Variants in POU5F1 observed in about 807,000 individuals in gnomAD.
The protein encoded by POU5F1 is POU class 5 homeobox 1, also known as POU domain, class 5, transcription factor 1.
In POU5F1, 6 loss-of-function variants were observed where a neutral mutation model predicts 38.3. The ratio of observed to expected loss-of-function variants is 0.16; its 90% confidence interval spans 0.09 to 0.31. POU5F1 has a LOEUF of 0.31. Ranked by LOEUF, POU5F1 falls within the 10% of genes least tolerant of loss-of-function variation. POU5F1 has a pLI of 1.00. For missense variants in POU5F1, 286 were observed against 462.6 expected (o/e 0.62, Z 3.50); for synonymous variants, 147 against 194.9 (o/e 0.75, Z 2.05).
At chr6:31,170,055 CTG>C (rs1777547280) in intron 1 of POU5F1, 159 bp downstream of exon 1, 3 of 1,154,642 alleles carry the variant, frequency 2.6e-6, no homozygotes, top group Non-Finnish European at 3.7e-6. Flanking sequence ...CCTGCCAGGG[CTG>C]CCAGCAGTTG....
In POU5F1 at chr6:31,170,304, T is replaced by C. The variant is rs767038169; in HGVS notation, c.317A>G (p.Asn106Ser). 24 of 1,612,568 alleles carry C rather than the reference T, an allele frequency of 1.5e-5. No individual in the cohort carries two copies. The highest frequency in any genetic ancestry group is 1.9e-5 in the Non-Finnish European group (23 of 1,179,774). ...GGGCTCCGGGGAGGCCCCATCGGAG[T>C]TGCTCTCCACCCCGACTCCTGCTTC... is the stretch of plus-strand genomic sequence containing the variant. ...EGEAGVGVES[N>S]SDGASPEPCT... Residue 106 changes from asparagine to serine, a missense_variant, in exon 1 of 5, where the codon AAC becomes AGC. By Grantham distance (46) the Asn-to-Ser change is conservative. Transcript: ENST00000259915.
chr6:31,166,205 C>G, intron 1 of POU5F1, 158 bp from the exon 2 acceptor site: 2 of 1,564,904 alleles, frequency 1.3e-6, no homozygotes, highest in Non-Finnish European at 1.7e-6. Context: ...CTAGAAATAA[C>G]CTACCCACAA....
In POU5F1 at chr6:31,164,575, C is replaced by G. The variant is rs1457938687; in HGVS notation, c.*26G>C. 1.3e-6 allele frequency: 2 copies of G among 1,585,560 alleles called. No individual in the cohort carries two copies. Among genetic ancestry groups the G allele is most frequent in the Admixed American group, 3.6e-5 (2 of 55,670 alleles). On this transcript the variant is annotated 3_prime_UTR_variant, in exon 5 of 5. Coordinates refer to ENST00000259915, the MANE Select transcript of POU5F1 (RefSeq NM_002701.6). ...TCCCTAGCTCCTCCCCTCCCCCTGT[C>G]CCCCATTCCTAGAAGGGCAGGCACC...
At position 31,165,110 on chromosome 6, in the gene POU5F1, G is replaced by A. The variant is rs1410408075; in HGVS notation, c.816+18C>T. 3 of 1,604,336 alleles carry A rather than the reference G, an allele frequency of 1.9e-6. No homozygotes were observed. In the South Asian group the frequency reaches 3.3e-5, roughly 18 times the overall value. On this transcript the variant is annotated intron_variant, in intron 4 of 4. Coordinates refer to ENST00000259915, the MANE Select transcript of POU5F1 (RefSeq NM_002701.6). This position sits in a 1 kb window ranked among gnomAD's most constrained non-coding sequence, Gnocchi z 6.5. Reference sequence around the variant, plus strand: ...ACAGGGGAAAGAGATGGAGCCCGCAGAGAGACATGGCACTCACATCCTTCT... The same window carrying A: ...ACAGGGGAAAGAGATGGAGCCCGCAAAGAGACATGGCACTCACATCCTTCT...
Position 31,165,704 on chromosome 6 carries a change from G to A in POU5F1, c.527-3C>T, listed in dbSNP as rs1284497097. 1.9e-6 allele frequency: 3 copies of A among 1,609,360 alleles called. No homozygotes were observed. Among genetic ancestry groups the A allele is most frequent in the Non-Finnish European group, 2.5e-6 (3 of 1,177,708 alleles). On this transcript the variant is annotated splice_polypyrimidine_tract_variant and splice_region_variant and intron_variant, in intron 2 of 4. Coordinates refer to ENST00000259915, the MANE Select transcript of POU5F1 (RefSeq NM_002701.6). The surrounding 1 kb of genome is among the most constrained non-coding windows in gnomAD (Gnocchi z 6.5). ...GGTCGTTTGGCTGAATACCTTCCCTGGGGGAGGCCAGTCAAAAGAGAAGCA... is the reference window on the plus strand; with the variant it reads ...GGTCGTTTGGCTGAATACCTTCCCTAGGGGAGGCCAGTCAAAAGAGAAGCA...
chr6:31,166,130 C>T (rs1320046736), intron 1 of POU5F1, 83 bp from the exon 2 acceptor site: 2 of 1,613,886 alleles, frequency 1.2e-6, no homozygotes. Context: ...ATTCAAGAAC[C>T]TACGTGTGGC....
chr6:31,167,087 A>C, intron 1 of POU5F1: 1 of 513,470 alleles, frequency 1.9e-6, no homozygotes, highest in Non-Finnish European at 3.7e-6. Context: ...GAGCCCTGAC[A>C]TCCAGCATGA....
Position 31,165,460 on chromosome 6 carries a change from T to G in POU5F1, c.657+111A>C. On this transcript the variant is annotated intron_variant, in intron 3 of 4. Coordinates refer to ENST00000259915, the MANE Select transcript of POU5F1 (RefSeq NM_002701.6). This position sits in a 1 kb window ranked among gnomAD's most constrained non-coding sequence, Gnocchi z 6.5. ...AGCAGAACTGAGGAATTTCACTCCA[T>G]CCCACTGAGAACCACTGCACCAAAG... The G allele has an allele frequency of 6.3e-7, 1 of 1,588,252 alleles. No individual in the cohort carries two copies. Among genetic ancestry groups the G allele is most frequent in the Non-Finnish European group, 8.6e-7 (1 of 1,166,674 alleles).
chr6:31,170,255 C>T lies in POU5F1; in HGVS notation c.366G>A (p.Val122=), dbSNP rs1777560216. ...PEPCTVTPGA[V]KLEKEKLEQN... ...GCTCCAGCTTCTCCTTCTCCAGCTT[C>T]ACGGCACCAGGGGTGACGGTGCAGG... The change falls in exon 1 of 5, where the codon GTG becomes GTA. Residue 122 remains valine, a synonymous_variant. Transcript: ENST00000259915. The T allele has an allele frequency of 6.2e-7, 1 of 1,612,944 alleles. No homozygotes were observed. The highest frequency in any genetic ancestry group is 8.5e-7 in the Non-Finnish European group (1 of 1,179,846).
intron 1 of POU5F1, chr6:31,166,476 T>G (rs1192583085): frequency 8.0e-7 from 1 of 1,245,012 alleles, no homozygotes; most frequent in East Asian, 3.5e-5. Flanking sequence ...ATGGCCAACA[T>G]GGTGAAACCC....
At chr6:31,166,581 C>T in intron 1 of POU5F1, 2 of 1,001,240 alleles carry the variant, frequency 2.0e-6, no homozygotes, top group Non-Finnish European at 2.7e-6. Flanking sequence ...ATCACTTGAA[C>T]CCGGGAGGCG....
Position 31,165,892 on chromosome 6 carries a change from G to A in POU5F1, c.526+35C>T, listed in dbSNP as rs771496772. On this transcript the variant is annotated intron_variant, in intron 2 of 4. Transcript: ENST00000259915. The surrounding 1 kb of genome is among the most constrained non-coding windows in gnomAD (Gnocchi z 6.5). ...TAGGTTCAGGGATACTCCTTAGAGGGGAGATGCGGTCAGAATCTGCAGAGG... is the reference window on the plus strand; with the variant it reads ...TAGGTTCAGGGATACTCCTTAGAGGAGAGATGCGGTCAGAATCTGCAGAGG... The A allele has an allele frequency of 3.7e-6, 6 of 1,613,280 alleles. No homozygotes were observed. The highest frequency in any genetic ancestry group is 3.3e-5 in the South Asian group (3 of 91,006).
chr6:31,165,407 TG>T lies in POU5F1; in HGVS notation c.658-122del, dbSNP rs1450098918. Reference sequence around the variant, plus strand: ...GTGGTGGTGTGAAAAGGCAGGATCCTGGAAGGGTTGGCTCTGGACCTTATCC... The same window carrying T: ...GTGGTGGTGTGAAAAGGCAGGATCCTGAAGGGTTGGCTCTGGACCTTATCC... On this transcript the variant is annotated intron_variant, in intron 3 of 4. Transcript: ENST00000259915. This position sits in a 1 kb window ranked among gnomAD's most constrained non-coding sequence, Gnocchi z 6.5. 1 of 1,559,944 alleles carries T rather than the reference TG, an allele frequency of 6.4e-7. No homozygotes were observed. Among genetic ancestry groups the T allele is most frequent in the East Asian group, 2.3e-5 (1 of 42,870 alleles).
rs2151101491 is a variant in POU5F1, at chr6:31,164,932, T to G, written c.817-65A>C. 16 of 1,574,026 alleles carry G rather than the reference T, an allele frequency of 1.0e-5. No individual in the cohort carries two copies. The South Asian group carries it at 1.5e-4, about 15-fold the overall frequency. ...TGAGCTGAGACGGGCCTGACTCTGCTTGGACATTCTATCCAAAGCCAACAG... is the reference window on the plus strand; with the variant it reads ...TGAGCTGAGACGGGCCTGACTCTGCGTGGACATTCTATCCAAAGCCAACAG... On this transcript the variant is annotated intron_variant, in intron 4 of 4. Coordinates refer to ENST00000259915, the MANE Select transcript of POU5F1 (RefSeq NM_002701.6).
At position 31,164,761 on chromosome 6, in the gene POU5F1, C is replaced by T. The variant is rs1030266660; in HGVS notation, c.923G>A (p.Gly308Glu). The change falls in exon 5 of 5, where the codon GGA (glycine) becomes GAA (glutamate). Residue 308 changes from glycine to glutamate, a missense_variant. Physicochemically the swap from Gly to Glu is moderately conservative, Grantham distance 98 (BLOSUM62 -2). Around this residue, in one of 2 missense-constraint regions of POU5F1, gnomAD observed 110 missense variants for 277.8 expected, o/e 0.40. Coordinates refer to ENST00000259915, the MANE Select transcript of POU5F1 (RefSeq NM_002701.6). Reference protein sequence around the residue: ...FEAAGSPFSGGPVSFPLAPGP... With the variant: ...FEAAGSPFSGEPVSFPLAPGP... ...TGGGGCCAGAGGAAAGGACACTGGT[C>T]CCCCTGAGAAAGGAGACCCAGCAGC... is the stretch of plus-strand genomic sequence containing the variant. The T allele has an allele frequency of 1.2e-6, 2 of 1,610,446 alleles. No individual in the cohort carries two copies. Among genetic ancestry groups the T allele is most frequent in the Admixed American group, 1.7e-5 (1 of 59,384 alleles).
Position 31,165,790 on chromosome 6 carries a change from G to A in POU5F1, c.527-89C>T. 6.6e-7 allele frequency: 1 copy of A among 1,512,206 alleles called. No individual in the cohort carries two copies. The highest frequency in any genetic ancestry group is 8.9e-7 in the Non-Finnish European group (1 of 1,129,672). 93.7% of individuals were successfully genotyped at this position (1,512,206 alleles called of 1,614,324 possible). A position where few individuals can be genotyped will look rare whatever the true frequency, so the allele number is the denominator to read the frequency against. Reference sequence around the variant, plus strand: ...GATCCAAGCTTACCACCTCTTCCCAGAGGGAGCTCAAAGCATCTTCTCCCT... The same window carrying A: ...GATCCAAGCTTACCACCTCTTCCCAAAGGGAGCTCAAAGCATCTTCTCCCT... On this transcript the variant is annotated intron_variant, in intron 2 of 4. Transcript: ENST00000259915. This position sits in a 1 kb window ranked among gnomAD's most constrained non-coding sequence, Gnocchi z 6.5.
Position 31,170,459 on chromosome 6 carries a change from G to A in POU5F1, c.162C>T (p.Gly54=). The change falls in exon 1 of 5, where the codon GGC becomes GGT. Residue 54 remains glycine (G), a synonymous_variant. Coordinates refer to ENST00000259915, the MANE Select transcript of POU5F1 (RefSeq NM_002701.6). ...GPGIGPGVGP[G]SEVWGIPPCP... ...ATGGGGGAATCCCCCACACCTCAGA[G>A]CCTGGCCCAACCCCCGGCCCGATTC... The A allele has an allele frequency of 1.2e-6, 2 of 1,609,012 alleles. No individual in the cohort carries two copies. Among genetic ancestry groups the A allele is most frequent in the Non-Finnish European group, 1.7e-6 (2 of 1,178,484 alleles).
In POU5F1 at chr6:31,165,498, G is replaced by A. The variant is rs563719735; in HGVS notation, c.657+73C>T. 94 of 1,608,292 alleles carry A rather than the reference G, an allele frequency of 5.8e-5. No homozygotes were observed. The Admixed American group carries it at 6.2e-4, about 11-fold the overall frequency. On this transcript the variant is annotated intron_variant, in intron 3 of 4. Transcript: ENST00000259915. This position sits in a 1 kb window ranked among gnomAD's most constrained non-coding sequence, Gnocchi z 6.5. ...CACTGCACCAAAGACGGAGAGCTACGAGCCAGTGATGGAAGCAATGGAAAT... is the reference window on the plus strand; with the variant it reads ...CACTGCACCAAAGACGGAGAGCTACAAGCCAGTGATGGAAGCAATGGAAAT...
intron 1 of POU5F1, 74 bp downstream of exon 1, chr6:31,170,142 G>T: frequency 6.2e-7 from 1 of 1,609,716 alleles, no homozygotes. Context: ...GGCAGCTGCA[G>T]GTGACCACTT....
Sources: gnomAD v4.1 joint callset for allele counts on GRCh38, gnomAD v4.1.1 for gene constraint, gnomAD v4.1.1 regional missense constraint, Gnocchi (gnomAD v3.1) non-coding constraint, MANE v1.5 for transcripts, NCBI Gene and HGNC (gene_info 2026-07-23, HGNC 2026-07-21) for gene names.